NTM: variants seen among roughly 807,000 people sequenced by gnomAD.
The protein encoded by NTM is neurotrimin.
A neutral mutation model predicts 42.1 loss-of-function variants in NTM; 13 were observed. That is an observed-to-expected ratio of 0.31 (90% CI 0.20 to 0.49). The LOEUF (loss-of-function observed/expected upper bound fraction) is 0.49, where lower values mean the gene tolerates loss of function less well. NTM is among the 20% of genes least tolerant of loss of function. The pLI is 0.99. For missense variants in NTM, 373 were observed against 452.8 expected, an observed-to-expected ratio of 0.82 and a Z score of 1.60; for synonymous variants, 187 against 179.2, an observed-to-expected ratio of 1.04 and a Z score of -0.35.
chr11:132,160,379 A>G (rs2074031490), intron 3 of NTM, among the ~76,000 whole-genome samples: 1 of 152,164 alleles, frequency 6.6e-6, no homozygotes, highest in African/African-American at 2.4e-5. Context: ...TCTGGTGGGG[A>G]AGGGGAGCTG....
intron 1 of NTM, chr11:131,911,024 C>T (rs1436807130): frequency 2.9e-6 from 3 of 1,029,104 alleles, no homozygotes; most frequent in Non-Finnish European, 3.5e-6. Context: ...TGTTGGATGT[C>T]CCCCGTTCGA....
chr11:132,173,540 T>A (rs1478729352), intron 3 of NTM, among the ~76,000 whole-genome samples: 1 of 152,248 alleles, frequency 6.6e-6, no homozygotes, highest in East Asian at 1.9e-4. Flanking sequence ...AACTAAGTAT[T>A]TCCTCTTCTC....
rs142179912 is a variant in NTM at position 132,006,998 on chromosome 11, C to G, written c.167+95350C>G. 3.2e-4 allele frequency among the ~76,000 whole-genome samples: 49 copies of G among 152,314 alleles called. No individual in the cohort carries two copies. In the East Asian group the frequency reaches 6.0e-3, roughly 19 times the overall value. On this transcript the variant is annotated intron_variant, in intron 2 of 8. Coordinates refer to ENST00000683400, the MANE Select transcript of NTM (RefSeq NM_001352005.2). The stretch of plus-strand genomic sequence containing the variant: ...TAAACATTTTACTTCCAGTGCGAGA[C>G]CCTCCTGGGCACTCTCTTTCCTCTG...
chr11:131,483,303 A>AG (rs1467697385), intron 1 of NTM, among the ~76,000 whole-genome samples: 1 of 152,194 alleles, frequency 6.6e-6, no homozygotes. Flanking sequence ...AAGACCAAGA[A>AG]GTCCCCTACT....
intron 1 of NTM, among the ~76,000 whole-genome samples, chr11:131,483,259 A>G (rs536382795): frequency 2.8e-4 from 42 of 152,274 alleles, no homozygotes; most frequent in African/African-American, 9.6e-4. Flanking sequence ...TTTCCTAATG[A>G]GTTTTAAAAA....
At chr11:132,275,690 T>TTATATATATG (rs1565362335) in intron 4 of NTM, among the ~76,000 whole-genome samples, 2 of 100,132 alleles carry the variant, frequency 2.0e-5, no homozygotes, top group African/African-American at 7.0e-5. Context: ...ACTTGATGTT[T>TTATATATATG]TATATATATA....
intron 1 of NTM, among the ~76,000 whole-genome samples, chr11:131,866,885 T>A (rs541619215): frequency 2.6e-5 from 4 of 152,148 alleles, no homozygotes; most frequent in Non-Finnish European, 5.9e-5. Flanking sequence ...ACTGATATCT[T>A]CAGGGAAAGT....
chr11:132,308,349 T>C (rs575307827), intron 5 of NTM, among the ~76,000 whole-genome samples: 4 of 152,346 alleles, frequency 2.6e-5, no homozygotes, highest in South Asian at 2.1e-4. Context: ...TCTTAGAGGA[T>C]GTAACAATAA....
chr11:131,388,471 T>C (rs1565452326), intron 1 of NTM, among the ~76,000 whole-genome samples: 4 of 151,880 alleles, frequency 2.6e-5, no homozygotes, highest in African/African-American at 9.7e-5. Context: ...GGCATCTTTT[T>C]CTTGTTTTTA....
At chr11:132,169,646 C>G (rs1033091374) in intron 3 of NTM, among the ~76,000 whole-genome samples, 1 of 151,900 alleles carries the variant, frequency 6.6e-6, no homozygotes, top group Non-Finnish European at 1.5e-5. Context: ...TTTTTTACTT[C>G]TTGAATACTT....
At chr11:132,321,142 G>C (rs944242795) in intron 7 of NTM, among the ~76,000 whole-genome samples, 12 of 152,158 alleles carry the variant, frequency 7.9e-5, no homozygotes, top group African/African-American at 1.7e-4. Context: ...AAGGAATGCA[G>C]CTCCTCACCA....
chr11:131,468,225 A>G (rs1591757159), intron 1 of NTM, among the ~76,000 whole-genome samples: 1 of 152,176 alleles, frequency 6.6e-6, no homozygotes, highest in East Asian at 1.9e-4. Flanking sequence ...GGCTCAGGCC[A>G]CCTAATGAGA....
intron 2 of NTM, among the ~76,000 whole-genome samples, chr11:132,088,761 A>T (rs1376886317): frequency 2.0e-5 from 3 of 152,204 alleles, no homozygotes; most frequent in Non-Finnish European, 4.4e-5. Context: ...CCCCCTATGC[A>T]CAATGACTTG....
intron 4 of NTM, among the ~76,000 whole-genome samples, chr11:132,243,894 G>T (rs906589031): frequency 6.6e-5 from 10 of 152,186 alleles, no homozygotes; most frequent in Non-Finnish European, 1.3e-4. Flanking sequence ...CAGGCCCAGA[G>T]CAGAGGCAGG....
intron 2 of NTM, among the ~76,000 whole-genome samples, chr11:132,026,371 T>C (rs1439732841): frequency 8.5e-5 from 13 of 152,252 alleles, no homozygotes; most frequent in Non-Finnish European, 1.8e-4. Context: ...GTACAAATAG[T>C]CACGTATGTA....
At chr11:132,214,053 G>A (rs1455328010) in intron 4 of NTM, among the ~76,000 whole-genome samples, 2 of 152,180 alleles carry the variant, frequency 1.3e-5, no homozygotes, top group Non-Finnish European at 2.9e-5. Context: ...TCTTGACACT[G>A]TAACTGTGAA....
intron 8 of NTM, among the ~76,000 whole-genome samples, chr11:132,331,000 C>T (rs1201927269): frequency 6.6e-6 from 1 of 152,224 alleles, no homozygotes; most frequent in African/African-American, 2.4e-5. Context: ...TGGAATCCTT[C>T]CACATAGCAT....
At chr11:131,629,897 A>G (rs1592284328) in intron 1 of NTM, among the ~76,000 whole-genome samples, 2 of 152,184 alleles carry the variant, frequency 1.3e-5, no homozygotes, top group African/African-American at 2.4e-5. Flanking sequence ...AATTCTGAAG[A>G]TAGGGAGTCA....
chr11:131,797,646 A>C (rs1262493226), intron 1 of NTM, among the ~76,000 whole-genome samples: 9 of 152,226 alleles, frequency 5.9e-5, no homozygotes, highest in Non-Finnish European at 1.0e-4. Context: ...AATGTGTATA[A>C]ATCAATAATG....
Sources: allele counts gnomAD v4.1 joint callset (sites outside exome capture counted in the v4.1 genomes callset), GRCh38; gene constraint gnomAD v4.1.1; transcripts MANE v1.5; gene names NCBI Gene and HGNC (gene_info 2026-07-23, HGNC 2026-07-21).